The following RUNX1T1 variants were observed in gnomAD, a reference collection of about 807,000 sequenced individuals.
RUNX1T1 encodes RUNX1 partner transcriptional co-repressor 1.
Under a neutral mutation model 62.8 loss-of-function variants are expected in RUNX1T1, and 4 were observed. That is an observed-to-expected ratio of 0.06 (90% confidence interval 0.03 to 0.15). RUNX1T1 has a LOEUF of 0.15. Among genes scored for constraint, RUNX1T1 ranks in the 10% least tolerant of loss-of-function variants. The pLI is 1.00. For synonymous variants in RUNX1T1, 291 were observed against 286.0 expected (o/e 1.02, Z -0.18); for missense variants, 508 against 754.3 (o/e 0.67, Z 3.82).
chr8:92,013,059 C>T (rs559934331), intron 3 of RUNX1T1, among the ~76,000 whole-genome samples: 23 of 151,180 alleles, frequency 1.5e-4, no homozygotes, highest in African/African-American at 5.1e-4. Context: ...ATTTATAAGG[C>T]AATTTTCAAA....
chr8:92,061,122 T>C (rs1364702811), intron 1 of RUNX1T1, among the ~76,000 whole-genome samples: 1 of 152,254 alleles, frequency 6.6e-6, no homozygotes, highest in African/African-American at 2.4e-5. Context: ...GCAAGGGTCC[T>C]AACTAATCTC....
chr8:91,957,039 AAAAG>A (rs1398922168), downstream of RUNX1T1: 1 of 218,490 alleles, frequency 4.6e-6, no homozygotes, highest in African/African-American at 2.2e-5. Context: ...ATGACAGAGA[AAAAG>A]AGAAAGAGAA....
intron 1 of RUNX1T1, among the ~76,000 whole-genome samples, chr8:92,046,018 A>G (rs940731479): frequency 6.6e-6 from 1 of 152,164 alleles, no homozygotes; most frequent in Non-Finnish European, 1.5e-5. Context: ...AATAATTTAA[A>G]CTGAACATGC....
At chr8:92,017,994 G>A (rs1040703689) in intron 1 of RUNX1T1, among the ~76,000 whole-genome samples, 1 of 152,140 alleles carries the variant, frequency 6.6e-6, no homozygotes, top group Non-Finnish European at 1.5e-5. Flanking sequence ...GTAAATTTAT[G>A]ACCTGCCATT....
At chr8:92,045,067 C>CA (rs1367759745) in intron 1 of RUNX1T1, among the ~76,000 whole-genome samples, 7,125 of 62,592 alleles carry the variant, frequency 0.11, 241 homozygotes, top group Middle Eastern at 0.14. Flanking sequence ...ACTGGCTCTA[C>CA]AAAAAAAAAA....
At chr8:92,010,582 A>T (rs1821730802) in intron 4 of RUNX1T1, 1 of 155,100 alleles carries the variant, frequency 6.4e-6, no homozygotes, top group Non-Finnish European at 1.4e-5. Flanking sequence ...CTTACTCCCA[A>T]CTTCTTCACT....
intron 5 of RUNX1T1, among the ~76,000 whole-genome samples, chr8:91,998,097 A>AG (rs1046052446): frequency 9.2e-5 from 14 of 152,092 alleles, no homozygotes; most frequent in Admixed American, 2.6e-4. Context: ...CATTGAATCA[A>AG]GGGGGGGAAA....
chr8:92,011,547 T>G (rs1821930711), intron 3 of RUNX1T1, among the ~76,000 whole-genome samples: 1 of 152,230 alleles, frequency 6.6e-6, no homozygotes, highest in Non-Finnish European at 1.5e-5. Flanking sequence ...ATTCTTCTCC[T>G]CCTCCTGTAT....
chr8:91,985,079 G>A (rs1816265938), intron 8 of RUNX1T1, among the ~76,000 whole-genome samples: 1 of 152,126 alleles, frequency 6.6e-6, no homozygotes, highest in Non-Finnish European at 1.5e-5. Context: ...TTAAACTTTG[G>A]ATAATCAGCC....
At chr8:92,068,923 T>C (rs1265840979) in intron 2 of RUNX1T1, among the ~76,000 whole-genome samples, 1 of 152,190 alleles carries the variant, frequency 6.6e-6, no homozygotes, top group African/African-American at 2.4e-5. Flanking sequence ...CTTGATTATA[T>C]TCATTATTTT....
intron 1 of RUNX1T1, among the ~76,000 whole-genome samples, chr8:92,026,132 G>A (rs1341308395): frequency 6.6e-6 from 1 of 152,064 alleles, no homozygotes; most frequent in African/African-American, 2.4e-5. Flanking sequence ...GGTGGTACAG[G>A]TTATGTTTAT....
At chr8:91,966,062 T>C (rs1811530196) in intron 10 of RUNX1T1, among the ~76,000 whole-genome samples, 1 of 151,134 alleles carries the variant, frequency 6.6e-6, no homozygotes, top group African/African-American at 2.4e-5. Context: ...CCCAGTGCCC[T>C]GTCTACTATA....
At chr8:91,992,690 C>T (rs1282747144) in intron 5 of RUNX1T1, among the ~76,000 whole-genome samples, 1 of 152,094 alleles carries the variant, frequency 6.6e-6, no homozygotes, top group Non-Finnish European at 1.5e-5. Context: ...AGGTCAACCC[C>T]CTTATTTTAA....
chr8:91,976,092 A>G (rs4481660), intron 8 of RUNX1T1, 119 bp from the exon 10 acceptor site: 2 of 679,016 alleles, frequency 2.9e-6, no homozygotes, highest in Non-Finnish European at 5.3e-6. Context: ...CAAAAACGCA[A>G]TTTTAAAAGG....
chr8:91,998,668 C>T (rs1315247591), intron 5 of RUNX1T1, among the ~76,000 whole-genome samples: 8 of 152,198 alleles, frequency 5.3e-5, no homozygotes, highest in Non-Finnish European at 7.3e-5. Flanking sequence ...AACAGTTAGG[C>T]TGTTACTGGC....
intron 1 of RUNX1T1, among the ~76,000 whole-genome samples, chr8:92,021,151 A>G (rs1824009409): frequency 6.6e-6 from 1 of 152,336 alleles, no homozygotes; most frequent in East Asian, 1.9e-4. Context: ...TCATATTTGA[A>G]TAAGTGTTGG....
chr8:92,073,628 C>T (rs1201241741), intron 2 of RUNX1T1, among the ~76,000 whole-genome samples: 1 of 151,972 alleles, frequency 6.6e-6, no homozygotes, highest in East Asian at 1.9e-4. Flanking sequence ...GAGTTTGAAC[C>T]CCATATTTCT....
chr8:91,999,440 G>A (rs1819340554), intron 5 of RUNX1T1, among the ~76,000 whole-genome samples: 2 of 152,134 alleles, frequency 1.3e-5, no homozygotes. Flanking sequence ...CTATAGGAAA[G>A]AATCTAAGAA....
chr8:92,028,087 GT>G (rs1222892910), intron 1 of RUNX1T1, among the ~76,000 whole-genome samples: 127 of 86,000 alleles, frequency 1.5e-3, no homozygotes, highest in African/African-American at 4.4e-3. Flanking sequence ...GGGGGGGGGG[GT>G]GGGAAGGAAG....
Sources: allele counts gnomAD v4.1 joint callset (sites outside exome capture counted in the v4.1 genomes callset), GRCh38; gene constraint gnomAD v4.1.1; transcripts MANE v1.5; gene names NCBI Gene and HGNC (gene_info 2026-07-23, HGNC 2026-07-21).